DNM2: variants seen among roughly 807,000 people sequenced by gnomAD.
DNM2 encodes the protein dynamin 2.
A neutral mutation model predicts 99.0 loss-of-function variants in DNM2; 15 were observed. That is an observed-to-expected ratio of 0.15 (90% CI 0.10 to 0.23). DNM2 has a LOEUF of 0.23. Ranked by LOEUF, DNM2 falls within the 10% of genes least tolerant of loss-of-function variation. The probability of loss-of-function intolerance (pLI) is 1.00; values close to 1 mark genes in which losing one functional copy is unlikely to be tolerated. For synonymous variants in DNM2, 525 were observed against 481.2 expected (o/e 1.09, Z -1.19); for missense variants, 742 against 1,189.4 (o/e 0.62, Z 5.53).
chr19:10,726,574 G>A (rs1038520049), intron 1 of DNM2, among the ~76,000 whole-genome samples: 2 of 152,154 alleles, frequency 1.3e-5, no homozygotes, highest in African/African-American at 2.4e-5. Flanking sequence ...GTAATTGGCC[G>A]TGAGAGTTAT....
chr19:10,743,706 A>G (rs1267999274), intron 1 of DNM2, among the ~76,000 whole-genome samples: 1 of 145,750 alleles, frequency 6.9e-6, no homozygotes, highest in African/African-American at 2.6e-5. Flanking sequence ...GCTACTCAGG[A>G]GGCTGAGGCA....
rs549563247 is a variant in DNM2 at position 10,812,866 on chromosome 19, TG to T, written c.1671+490del. On this transcript the variant is annotated intron_variant, in intron 15 of 20. Transcript: ENST00000389253. This position sits in a 1 kb window ranked among gnomAD's most constrained non-coding sequence, Gnocchi z 4.0. ...CCACCATGTGCCAAAAGGCTTACAT[TG>T]TACCTGGCCCCCATGGGACCAGCTC... Among the ~76,000 whole-genome samples, 308 of 152,324 alleles carry T rather than the reference TG, an allele frequency of 2.0e-3. 1 individual carries two copies. Among genetic ancestry groups the T allele is most frequent in the South Asian group, 0.015 (72 of 4,830 alleles).
chr19:10,735,847 C>T (rs1162111398), intron 1 of DNM2, among the ~76,000 whole-genome samples: 4 of 152,156 alleles, frequency 2.6e-5, no homozygotes, highest in Admixed American at 6.6e-5. Context: ...CATCCTTTCT[C>T]CCTAAAGTTG....
rs368559783 is a variant in DNM2, at chr19:10,795,313, G to A, written c.1129-59G>A. 6.9e-5 allele frequency: 108 copies of A among 1,556,074 alleles called. No homozygotes were observed. Among genetic ancestry groups the A allele is most frequent in the Middle Eastern group, 3.3e-4 (2 of 5,978 alleles). On this transcript the variant is annotated intron_variant, in intron 8 of 20. Coordinates refer to ENST00000389253, the MANE Select transcript of DNM2 (RefSeq NM_001005361.3). The surrounding 1 kb of genome is among the most constrained non-coding windows in gnomAD (Gnocchi z 4.2). ...GGGAGAGAACGTTCCCCAGATGCAC[G>A]CCTGCCACGGGGGCGCCCCGGGTGC...
intron 5 of DNM2, among the ~76,000 whole-genome samples, chr19:10,779,236 T>A (rs533666439): frequency 4.0e-4 from 60 of 148,394 alleles, no homozygotes; most frequent in Non-Finnish European, 7.2e-4. Flanking sequence ...AAAAGAAAAA[T>A]TTTTCAAGCA....
In DNM2 at chr19:10,816,276, CCA is replaced by C. The variant is rs1324320001; in HGVS notation, c.1672-3701_1672-3700del. On this transcript the variant is annotated intron_variant, in intron 15 of 20. Transcript: ENST00000389253. This position sits in a 1 kb window ranked among gnomAD's most constrained non-coding sequence, Gnocchi z 4.6. ...TTGGGGGTGAAAGGATCATCCCGCT[CCA>C]CATGAGGCCAGACGCTCATCTCTGG... 6.6e-6 allele frequency among the ~76,000 whole-genome samples: 1 copy of C among 152,084 alleles called. No individual in the cohort carries two copies. The highest frequency in any genetic ancestry group is 1.5e-5 in the Non-Finnish European group (1 of 68,000).
At chr19:10,798,414 A>T in intron 10 of DNM2, 72 bp from the exon 11 acceptor site, 1 of 1,251,640 alleles carries the variant, frequency 8.0e-7, no homozygotes, top group Non-Finnish European at 1.2e-6. Flanking sequence ...CGCATTTTCT[A>T]CCTGTGTGGT....
At chr19:10,725,445 C>CAA (rs35718224) in intron 1 of DNM2, among the ~76,000 whole-genome samples, 16 of 83,970 alleles carry the variant, frequency 1.9e-4, no homozygotes, top group African/African-American at 4.6e-4. Flanking sequence ...GACTCCATCT[C>CAA]AAAAAAAAAA....
At chr19:10,758,106 G>A (rs2070462694) in intron 1 of DNM2, among the ~76,000 whole-genome samples, 1 of 152,114 alleles carries the variant, frequency 6.6e-6, no homozygotes, top group African/African-American at 2.4e-5. Context: ...CTTTCTGAGT[G>A]TACAGGGTGA....
intron 1 of DNM2, among the ~76,000 whole-genome samples, chr19:10,738,307 T>C (rs994114299): frequency 6.6e-6 from 1 of 152,076 alleles, no homozygotes; most frequent in Non-Finnish European, 1.5e-5. Flanking sequence ...GAGACTTTCA[T>C]TGAGATCAGT....
At chr19:10,750,891 A>G (rs999240634) in intron 1 of DNM2, among the ~76,000 whole-genome samples, 1 of 148,872 alleles carries the variant, frequency 6.7e-6, no homozygotes, top group Non-Finnish European at 1.5e-5. Context: ...ACAAAGCAAG[A>G]CTCCATCTCA....
Position 10,831,082 on chromosome 19 carries a change from C to G in DNM2, c.*35C>G, listed in dbSNP as rs199700849. ...GGGGCGTGCTCTCGGGGGGGCCTCA[C>G]GCACCCGCGGCGCAGGAGCTTCAGT... On this transcript the variant is annotated 3_prime_UTR_variant, in exon 21 of 21. Coordinates refer to ENST00000389253, the MANE Select transcript of DNM2 (RefSeq NM_001005361.3). This position sits in a 1 kb window ranked among gnomAD's most constrained non-coding sequence, Gnocchi z 4.3. 7.7e-4 allele frequency: 1,206 copies of G among 1,571,116 alleles called. 14 individuals carry two copies. In the African/African-American group the frequency reaches 0.015, roughly 20 times the overall value.
At chr19:10,819,891 G>A (rs954063562) in intron 15 of DNM2, 89 bp from the exon 16 acceptor site, 19 of 1,201,848 alleles carry the variant, frequency 1.6e-5, no homozygotes, top group Non-Finnish European at 2.2e-5. Flanking sequence ...CCCCGGGGCT[G>A]GTGGTGGCGC....
intron 1 of DNM2, among the ~76,000 whole-genome samples, chr19:10,723,333 G>T (rs1417031756): frequency 1.3e-5 from 2 of 152,064 alleles, no homozygotes; most frequent in African/African-American, 2.4e-5. Context: ...GGGTTTTCCC[G>T]TGTTGGTCAG....
intron 12 of DNM2, among the ~76,000 whole-genome samples, chr19:10,803,361 G>A (rs1226893269): frequency 2.6e-5 from 4 of 152,178 alleles, no homozygotes; most frequent in Admixed American, 1.3e-4. Context: ...GAAGGAAAAC[G>A]AAGGAATGAG....
chr19:10,815,174 G>A (rs773909440), intron 15 of DNM2, among the ~76,000 whole-genome samples: 2 of 152,156 alleles, frequency 1.3e-5, no homozygotes, highest in African/African-American at 2.4e-5. Context: ...GTCTCCTGTT[G>A]CCACCTTAAC....
intron 1 of DNM2, among the ~76,000 whole-genome samples, chr19:10,747,287 A>C (rs2070023665): frequency 6.6e-6 from 1 of 152,116 alleles, no homozygotes; most frequent in Non-Finnish European, 1.5e-5. Context: ...ACAGATTGGG[A>C]AACTGAGGCA....
rs370019989 is a variant in DNM2 at position 10,772,979 on chromosome 19, G to GT, written c.385+369dup. Among the ~76,000 whole-genome samples the GT allele has an allele frequency of 0.77, 95,499 of 123,926 alleles. 38,030 individuals carry two copies. Among genetic ancestry groups the GT allele is most frequent in the Non-Finnish European group, 0.87 (53,861 of 62,158 alleles). 81.3% of individuals were successfully genotyped at this position (123,926 alleles called of 152,430 possible). A position where few individuals can be genotyped will look rare whatever the true frequency, so the allele number is the denominator to read the frequency against. ...ACCAGTCTTCTGTAAAATATCCTGG[G>GT]TTTTTTTTTTTTTTTTTTGAGACAG... is the stretch of plus-strand genomic sequence containing the variant. On this transcript the variant is annotated intron_variant, in intron 3 of 20. Coordinates refer to ENST00000389253, the MANE Select transcript of DNM2 (RefSeq NM_001005361.3). This position sits in a 1 kb window ranked among gnomAD's most constrained non-coding sequence, Gnocchi z 4.9.
chr19:10,796,949 G>A lies in DNM2; in HGVS notation c.1197-431G>A, dbSNP rs1003951454. ...CGACCACAGTGTCCCCAGCGCTCCG[G>A]GTTGCCAGGGAATTTCTGCTTGAGC... is the stretch of plus-strand genomic sequence containing the variant. On this transcript the variant is annotated intron_variant, in intron 9 of 20. Coordinates refer to ENST00000389253, the MANE Select transcript of DNM2 (RefSeq NM_001005361.3). This position sits in a 1 kb window ranked among gnomAD's most constrained non-coding sequence, Gnocchi z 5.6. 6.6e-6 allele frequency among the ~76,000 whole-genome samples: 1 copy of A among 152,098 alleles called. No homozygotes were observed. The highest frequency in any genetic ancestry group is 1.5e-5 in the Non-Finnish European group (1 of 68,024).
Sources: gnomAD v4.1 joint callset for allele counts (sites outside exome capture counted in the v4.1 genomes callset) on GRCh38, gnomAD v4.1.1 for gene constraint, Gnocchi (gnomAD v3.1) non-coding constraint, MANE v1.5 for transcripts, NCBI Gene and HGNC (gene_info 2026-07-23, HGNC 2026-07-21) for gene names.